EYS: variants seen among roughly 807,000 people sequenced by gnomAD.
EYS encodes EGF-like photoreceptor maintenance factor.
Under a neutral mutation model 282.1 loss-of-function variants are expected in EYS, and 250 were observed. The ratio of observed to expected loss-of-function variants is 0.89; its 90% CI spans 0.80 to 0.98. EYS has a LOEUF of 0.98. EYS is among the 50% of genes least tolerant of loss of function. EYS has a pLI of 0.00. For missense variants in EYS, 4,016 were observed against 3,709.0 expected (o/e 1.08, Z -2.15); for synonymous variants, 1,355 against 1,282.9 (o/e 1.06, Z -1.20).
At chr6:64,657,991 C>T (rs989516774) in intron 22 of EYS, among the ~76,000 whole-genome samples, 1 of 152,160 alleles carries the variant, frequency 6.6e-6, no homozygotes, top group Non-Finnish European at 1.5e-5. Flanking sequence ...TTCAGGTACA[C>T]CAATCAGATG....
At chr6:65,572,971 C>T (rs1764530894) in intron 2 of EYS, among the ~76,000 whole-genome samples, 1 of 152,098 alleles carries the variant, frequency 6.6e-6, no homozygotes, top group Non-Finnish European at 1.5e-5. Flanking sequence ...TGATGATTTA[C>T]TTCAATGGGC....
chr6:64,507,387 G>T (rs1268400955), intron 26 of EYS, among the ~76,000 whole-genome samples: 2 of 152,122 alleles, frequency 1.3e-5, no homozygotes, highest in Admixed American at 6.5e-5. Flanking sequence ...TATAATCAGG[G>T]TGAAGCAATA....
chr6:64,873,986 T>C (rs185356298), intron 19 of EYS, among the ~76,000 whole-genome samples: 133 of 152,176 alleles, frequency 8.7e-4, no homozygotes, highest in African/African-American at 3.0e-3. Context: ...ATTTTCCCCA[T>C]TAAAAGCCAC....
chr6:64,234,057 C>T (rs1766511590), intron 30 of EYS, among the ~76,000 whole-genome samples: 1 of 152,042 alleles, frequency 6.6e-6, no homozygotes, highest in Admixed American at 6.6e-5. Context: ...TTCTCAAGTA[C>T]AGAAGTAGGA....
chr6:64,098,933 G>A (rs750831209), intron 31 of EYS, among the ~76,000 whole-genome samples: 143 of 152,120 alleles, frequency 9.4e-4, no homozygotes, highest in African/African-American at 2.5e-3. Flanking sequence ...CTAGGTAGCG[G>A]GCATACAAAT....
At chr6:64,368,466 C>T (rs574551346) in intron 29 of EYS, among the ~76,000 whole-genome samples, 1 of 152,104 alleles carries the variant, frequency 6.6e-6, no homozygotes, top group African/African-American at 2.4e-5. Context: ...AATGGGATTG[C>T]TTGTTGAATG....
chr6:64,825,068 C>G (rs1410148208), intron 19 of EYS, among the ~76,000 whole-genome samples: 1 of 151,918 alleles, frequency 6.6e-6, no homozygotes, highest in Non-Finnish European at 1.5e-5. Context: ...GTCTACTTTA[C>G]TTACATTGAC....
intron 26 of EYS, among the ~76,000 whole-genome samples, chr6:64,488,424 T>C (rs962984271): frequency 6.6e-6 from 1 of 151,100 alleles, no homozygotes; most frequent in African/African-American, 2.4e-5. Context: ...GTTTACAAAG[T>C]GCTATTGTGG....
rs753141908 is a variant in EYS at position 65,344,038 on chromosome 6, C to A, written c.1599G>T (p.Glu533Asp). Reference sequence around the variant, plus strand: ...AAGCAACTACATAAAATTACCTTACCTCTTTTGTGCCTTCATGTGGGAACC... The same window carrying A: ...AAGCAACTACATAAAATTACCTTACATCTTTTGTGCCTTCATGTGGGAACC... Reference protein sequence around the residue: ...SCWFPHEGTKEICANGCSCLS... With the variant: ...SCWFPHEGTKDICANGCSCLS... Residue 533 changes from glutamate to aspartate, a missense_variant and splice_region_variant, in exon 10 of 43, where the codon GAG (glutamate) becomes GAT (aspartate). By Grantham distance (45) the Glu-to-Asp change is conservative (BLOSUM62 2). Coordinates refer to ENST00000503581, the MANE Select transcript of EYS (RefSeq NM_001142800.2). 6.2e-7 allele frequency: 1 copy of A among 1,609,450 alleles called. No individual in the cohort carries two copies. The highest frequency in any genetic ancestry group is 1.7e-5 in the Admixed American group (1 of 59,682).
intron 2 of EYS, among the ~76,000 whole-genome samples, chr6:65,632,229 T>C (rs1000896510): frequency 6.6e-6 from 1 of 152,188 alleles, no homozygotes; most frequent in African/African-American, 2.4e-5. Flanking sequence ...GCATGCTTTG[T>C]ACTTATATTC....
chr6:64,087,182 GT>G (rs1355124707), intron 31 of EYS, among the ~76,000 whole-genome samples: 1 of 152,096 alleles, frequency 6.6e-6, no homozygotes, highest in Non-Finnish European at 1.5e-5. Flanking sequence ...GTTTTAGACA[GT>G]TTCTTCGTGT....
intron 8 of EYS, among the ~76,000 whole-genome samples, chr6:65,371,257 T>C (rs1380741202): frequency 1.3e-5 from 2 of 151,748 alleles, no homozygotes; most frequent in Admixed American, 6.7e-5. Context: ...CTATAGATAA[T>C]GTAAAGTATA....
At chr6:64,561,369 A>G (rs775917212) in intron 26 of EYS, among the ~76,000 whole-genome samples, 1 of 152,124 alleles carries the variant, frequency 6.6e-6, no homozygotes, top group African/African-American at 2.4e-5. Flanking sequence ...CAAATAGTAA[A>G]AGAGAAAGTC....
At chr6:65,676,447 G>C (rs945391324) in intron 1 of EYS, among the ~76,000 whole-genome samples, 1 of 151,662 alleles carries the variant, frequency 6.6e-6, no homozygotes, top group African/African-American at 2.4e-5. Flanking sequence ...TCTACAAATT[G>C]AATAACGTCA....
chr6:65,225,405 A>C (rs1457449901), intron 12 of EYS, among the ~76,000 whole-genome samples: 1 of 151,890 alleles, frequency 6.6e-6, no homozygotes, highest in Non-Finnish European at 1.5e-5. Context: ...AAATGCAAGG[A>C]GTTTCAACAT....
At chr6:65,110,141 C>T (rs1775172890) in intron 12 of EYS, among the ~76,000 whole-genome samples, 1 of 152,104 alleles carries the variant, frequency 6.6e-6, no homozygotes, top group Non-Finnish European at 1.5e-5. Flanking sequence ...AGAAGAGCCT[C>T]ACATGAAAAT....
rs1344220384 is a variant in EYS, at chr6:65,569,516, GC to G, written c.-333+70261del. 1.3e-3 allele frequency among the ~76,000 whole-genome samples: 194 copies of G among 152,252 alleles called. 3 individuals carry two copies. The highest frequency in any genetic ancestry group is 4.1e-3 in the African/African-American group (169 of 41,556). On this transcript the variant is annotated intron_variant, in intron 2 of 42. Transcript: ENST00000503581. ...CATGATTACAAATTATGGCTTAGGAGCCATGCAGCTGGTGGCCACAAGATTC... is the reference window on the plus strand; with the variant it reads ...CATGATTACAAATTATGGCTTAGGAGCATGCAGCTGGTGGCCACAAGATTC...
Position 64,707,663 on chromosome 6 carries a change from CAAA to C in EYS, c.3444-81421_3444-81419del, listed in dbSNP as rs59172308. ...CGGGGCGACAGAGTGAGACTCGTAT[CAAA>C]AAAAAAAAAAAAAAAAAGACTACAC... On this transcript the variant is annotated intron_variant, in intron 22 of 42. Transcript: ENST00000503581. 9.4e-3 allele frequency among the ~76,000 whole-genome samples: 954 copies of C among 100,968 alleles called. 10 individuals carry two copies. The highest frequency in any genetic ancestry group is 0.024 in the South Asian group (70 of 2,976). 66.2% of individuals were successfully genotyped at this position (100,968 alleles called of 152,430 possible). A position where few individuals can be genotyped will look rare whatever the true frequency, so the allele number is the denominator to read the frequency against.
chr6:64,222,926 G>T (rs1766145274), intron 31 of EYS, among the ~76,000 whole-genome samples: 1 of 151,512 alleles, frequency 6.6e-6, no homozygotes, highest in South Asian at 2.1e-4. Flanking sequence ...AAAATTATCG[G>T]TACTTACAGT....
Sources: allele counts gnomAD v4.1 joint callset (sites outside exome capture counted in the v4.1 genomes callset), GRCh38; gene constraint gnomAD v4.1.1; transcripts MANE v1.5; gene names NCBI Gene and HGNC (gene_info 2026-07-23, HGNC 2026-07-21).